ASPHD2: variants seen among roughly 807,000 people sequenced by gnomAD.
ASPHD2 encodes the protein aspartate beta-hydroxylase domain-containing protein 2.
In ASPHD2, 12 loss-of-function variants were observed where a neutral mutation model predicts 34.6. The ratio of observed to expected loss-of-function variants is 0.35; its 90% CI spans 0.22 to 0.56. The LOEUF is 0.56. ASPHD2 is among the 20% of genes least tolerant of loss of function. The pLI, the probability that ASPHD2 is intolerant of heterozygous loss-of-function variation, is 0.87. For missense variants in ASPHD2, 375 were observed against 505.0 expected, an observed-to-expected ratio of 0.74 and a Z score of 2.47; for synonymous variants, 224 against 212.2, an observed-to-expected ratio of 1.06 and a Z score of -0.48.
chr22:26,434,630 G>A, intron 2 of ASPHD2, 129 bp downstream of exon 2: 1 of 1,017,944 alleles, frequency 9.8e-7, no homozygotes, highest in Non-Finnish European at 1.4e-6. Flanking sequence ...AGCAAAAACT[G>A]ATGAATTGCA....
In ASPHD2 at chr22:26,440,262, C is replaced by T. The variant is rs554571810; in HGVS notation, c.887-2197C>T. Reference sequence around the variant, plus strand: ...GGGTCACACATGGCAGTGTTCCAACCGGACCCCACTGGCCGGTTGAAGCAT... The same window carrying T: ...GGGTCACACATGGCAGTGTTCCAACTGGACCCCACTGGCCGGTTGAAGCAT... On this transcript the variant is annotated intron_variant, in intron 2 of 3. Coordinates refer to ENST00000215906, the MANE Select transcript of ASPHD2 (RefSeq NM_020437.5). Among the ~76,000 whole-genome samples, 17 of 59,894 alleles carry T rather than the reference C, an allele frequency of 2.8e-4. No homozygotes were observed. The South Asian group carries it at 9.7e-3, about 34-fold the overall frequency. 39.3% of individuals were successfully genotyped at this position (59,894 alleles called of 152,430 possible). A position where few individuals can be genotyped will look rare whatever the true frequency, so the allele number is the denominator to read the frequency against.
chr22:26,434,021 C>T lies in ASPHD2; in HGVS notation c.406C>T (p.Arg136Cys), dbSNP rs1328461360. 5.0e-6 allele frequency: 8 copies of T among 1,613,342 alleles called. No homozygotes were observed. Among genetic ancestry groups the T allele is most frequent in the Non-Finnish European group, 6.8e-6 (8 of 1,179,970 alleles). ...CCACAACCTGCAGGAGTACGCCAAG[C>T]GCTACTCCTGGTCCGGCATGGGCCG... Reference protein sequence around the residue: ...LYHNLQEYAKRYSWSGMGRIH... With the variant: ...LYHNLQEYAKCYSWSGMGRIH... Residue 136 changes from arginine (R) to cysteine (C), a missense_variant, in exon 2 of 4, where the codon CGC becomes TGC. By Grantham distance (180) the Arg-to-Cys change is radical. Around this residue, in one of 3 missense-constraint regions of ASPHD2, gnomAD observed 223 missense variants for 257.8 expected, o/e 0.87. Coordinates refer to ENST00000215906, the MANE Select transcript of ASPHD2 (RefSeq NM_020437.5).
At chr22:26,438,662 T>C (rs28567716) in intron 2 of ASPHD2, among the ~76,000 whole-genome samples, 9 of 125,008 alleles carry the variant, frequency 7.2e-5, no homozygotes, top group Middle Eastern at 4.0e-3. Context: ...CATATATATA[T>C]ATACACATAC....
intron 2 of ASPHD2, among the ~76,000 whole-genome samples, chr22:26,439,744 AGG>A (rs2084824257): frequency 6.6e-6 from 1 of 152,164 alleles, no homozygotes; most frequent in Admixed American, 6.5e-5. Flanking sequence ...TTTACAGGTG[AGG>A]GTATGGCTCA....
At position 26,429,411 on chromosome 22, in the gene ASPHD2, G is replaced by A. The variant is rs866211254; in HGVS notation, c.-300G>A. 2.0e-4 allele frequency: 29 copies of A among 147,962 alleles called. No individual in the cohort carries two copies. Among genetic ancestry groups the A allele is most frequent in the Middle Eastern group, 3.5e-3 (1 of 288 alleles). 9.2% of individuals were successfully genotyped at this position (147,962 alleles called of 1,614,324 possible). ...GCGGCGGCTCCGCGGCGCCGGGCAG[G>A]GGCCGTCCGCGGGTCCGCGCCCTCG... On this transcript the variant is annotated 5_prime_UTR_variant, in exon 1 of 4. Transcript: ENST00000215906. This position sits in a 1 kb window ranked among gnomAD's most constrained non-coding sequence, Gnocchi z 4.5.
chr22:26,437,804 C>T (rs2084801502), intron 2 of ASPHD2, among the ~76,000 whole-genome samples: 1 of 152,142 alleles, frequency 6.6e-6, no homozygotes, highest in South Asian at 2.1e-4. Context: ...CCTTTCTCTA[C>T]CCTCCTTCCT....
intron 2 of ASPHD2, among the ~76,000 whole-genome samples, chr22:26,437,443 G>A (rs931609567): frequency 6.6e-6 from 1 of 152,248 alleles, no homozygotes; most frequent in Middle Eastern, 3.4e-3. Flanking sequence ...GCATCACCTA[G>A]TCCCGACTTC....
rs1485779301 is a variant in ASPHD2 at position 26,434,594 on chromosome 22, T to G, written c.886+93T>G. 30 of 1,410,530 alleles carry G rather than the reference T, an allele frequency of 2.1e-5. No homozygotes were observed. In the East Asian group the frequency reaches 6.7e-4, roughly 32 times the overall value. 87.4% of individuals were successfully genotyped at this position (1,410,530 alleles called of 1,614,324 possible). ...TCGCGAAAGCTCAAATGGTCAGAAT[T>G]GCGCCTTTTCGCATTGTTCACTTTT... On this transcript the variant is annotated intron_variant, in intron 2 of 3. Transcript: ENST00000215906.
chr22:26,433,642 G>C lies in ASPHD2; in HGVS notation c.27G>C (p.Pro9=), dbSNP rs373107990. The change falls in exon 2 of 4, where the codon CCG becomes CCC. Residue 9 remains proline, a synonymous_variant. Transcript: ENST00000215906. The surrounding 1 kb of genome is among the most constrained non-coding windows in gnomAD (Gnocchi z 5.1). Reference sequence around the variant, plus strand: ...TGGTGTGGGCGCCCTTGGGACCCCCGAGGACTGATTGTCTGACCTTGCTTC... The same window carrying C: ...TGGTGTGGGCGCCCTTGGGACCCCCCAGGACTGATTGTCTGACCTTGCTTC... The part of the protein sequence containing the change: MVWAPLGP[P]RTDCLTLLHT... 9 of 1,613,930 alleles carry C rather than the reference G, an allele frequency of 5.6e-6. No individual in the cohort carries two copies. The highest frequency in any genetic ancestry group is 1.3e-5 in the African/African-American group (1 of 74,892).
In ASPHD2 at chr22:26,429,733, C is replaced by T. The variant is rs2084745349; in HGVS notation, c.-225+247C>T. Among the ~76,000 whole-genome samples the T allele has an allele frequency of 6.6e-6, 1 of 152,028 alleles. No homozygotes were observed. Among genetic ancestry groups the T allele is most frequent in the Admixed American group, 6.6e-5 (1 of 15,266 alleles). ...GGAGCCGGGCATCACCCTCCCTAGACCTCCTCCTACTCCTCTTCCCTGCCC... is the reference window on the plus strand; with the variant it reads ...GGAGCCGGGCATCACCCTCCCTAGATCTCCTCCTACTCCTCTTCCCTGCCC... On this transcript the variant is annotated intron_variant, in intron 1 of 3. Coordinates refer to ENST00000215906, the MANE Select transcript of ASPHD2 (RefSeq NM_020437.5). The surrounding 1 kb of genome is among the most constrained non-coding windows in gnomAD (Gnocchi z 4.5).
At position 26,434,156 on chromosome 22, in the gene ASPHD2, C is replaced by T. The variant is rs778617130; in HGVS notation, c.541C>T (p.Arg181Trp). 7 of 1,612,202 alleles carry T rather than the reference C, an allele frequency of 4.3e-6. No individual in the cohort carries two copies. Among genetic ancestry groups the T allele is most frequent in the East Asian group, 2.2e-5 (1 of 44,870 alleles). Residue 181 changes from arginine (R) to tryptophan (W), a missense_variant, in exon 2 of 4, where the codon CGG becomes TGG. By Grantham distance (101) the Arg-to-Trp change is moderately radical. Coordinates refer to ENST00000215906, the MANE Select transcript of ASPHD2 (RefSeq NM_020437.5). Reference sequence around the variant, plus strand: ...CCTGCCCACCACGCCCTATTTCTCCCGGGACGCACAGAAACATGATGTGGA... The same window carrying T: ...CCTGCCCACCACGCCCTATTTCTCCTGGGACGCACAGAAACATGATGTGGA... ...PDLPTTPYFS[R>W]DAQKHDVEVL... is the part of the protein sequence containing the mutation.
chr22:26,438,708 G>T (rs1308210778), intron 2 of ASPHD2, among the ~76,000 whole-genome samples: 1 of 148,748 alleles, frequency 6.7e-6, no homozygotes, highest in Admixed American at 6.7e-5. Flanking sequence ...TATATATAAA[G>T]GGGAGTTTAT....
chr22:26,438,590 T>TATAC (rs1244830443), intron 2 of ASPHD2, among the ~76,000 whole-genome samples: 21 of 142,218 alleles, frequency 1.5e-4, no homozygotes, highest in African/African-American at 4.8e-4. Flanking sequence ...TACATACATA[T>TATAC]ATATACACAC....
In ASPHD2 at chr22:26,429,797, A is replaced by C. The variant is rs2084745719; in HGVS notation, c.-225+311A>C. Among the ~76,000 whole-genome samples, 2 of 149,722 alleles carry C rather than the reference A, an allele frequency of 1.3e-5. No individual in the cohort carries two copies. The highest frequency in any genetic ancestry group is 3.0e-5 in the Non-Finnish European group (2 of 67,366). ...TCCTCCATCTCCCTTCTCCCCTGTG[A>C]CCCCTCTTTCCTCACCTCCTGTCCC... On this transcript the variant is annotated intron_variant, in intron 1 of 3. Coordinates refer to ENST00000215906, the MANE Select transcript of ASPHD2 (RefSeq NM_020437.5). The surrounding 1 kb of genome is among the most constrained non-coding windows in gnomAD (Gnocchi z 4.5).
intron 1 of ASPHD2, among the ~76,000 whole-genome samples, chr22:26,430,127 C>T (rs761413371): frequency 2.6e-5 from 4 of 152,240 alleles, no homozygotes; most frequent in Non-Finnish European, 4.4e-5. Context: ...GCTGGCCCCA[C>T]GGCATCTCTC....
At chr22:26,432,930 A>G (rs1190597031) in intron 1 of ASPHD2, among the ~76,000 whole-genome samples, 2 of 152,226 alleles carry the variant, frequency 1.3e-5, no homozygotes, top group East Asian at 3.8e-4. Context: ...TGCCATTTTT[A>G]AGATGCTTTT....
chr22:26,442,319 AT>A, intron 2 of ASPHD2, 139 bp from the exon 3 acceptor site: 1 of 630,306 alleles, frequency 1.6e-6, no homozygotes, highest in Non-Finnish European at 2.8e-6. Flanking sequence ...CCTTCAGACC[AT>A]AGCACGGGCT....
chr22:26,437,845 A>T (rs999798220), intron 2 of ASPHD2, among the ~76,000 whole-genome samples: 6 of 152,104 alleles, frequency 3.9e-5, no homozygotes, highest in Admixed American at 3.9e-4. Context: ...GGGACAGAGC[A>T]GCAAAGCTTG....
chr22:26,442,376 CAGTA>C (rs1372510196), intron 2 of ASPHD2, 79 bp from the exon 3 acceptor site: 1 of 1,056,366 alleles, frequency 9.5e-7, no homozygotes, highest in Non-Finnish European at 1.4e-6. Flanking sequence ...CAAAAACTCT[CAGTA>C]AGGCAAATCA....
Sources: gnomAD v4.1 joint callset for allele counts (sites outside exome capture counted in the v4.1 genomes callset) on GRCh38, gnomAD v4.1.1 for gene constraint, gnomAD v4.1.1 regional missense constraint, Gnocchi (gnomAD v3.1) non-coding constraint, MANE v1.5 for transcripts, NCBI Gene and HGNC (gene_info 2026-07-23, HGNC 2026-07-21) for gene names.